RGS5: variants seen among roughly 807,000 people sequenced by gnomAD.
RGS5 encodes the protein regulator of G protein signaling 5.
RGS5 carries 20 observed loss-of-function variants against 18.9 expected under a neutral mutation model. The ratio of observed to expected loss-of-function variants is 1.06; its 90% CI spans 0.74 to 1.54. The LOEUF (loss-of-function observed/expected upper bound fraction) is 1.54. RGS5 is among the 40% of genes most tolerant of loss of function. The pLI, the probability that RGS5 is intolerant of heterozygous loss-of-function variation, is 0.00. For synonymous variants in RGS5, 57 were observed against 76.2 expected, an observed-to-expected ratio of 0.75 and a Z score of 1.31; for missense variants, 201 against 211.8, an observed-to-expected ratio of 0.95 and a Z score of 0.32.
intron 2 of RGS5, among the ~76,000 whole-genome samples, chr1:163,288,413 T>C (rs368572690): frequency 6.6e-6 from 1 of 152,310 alleles, no homozygotes; most frequent in African/African-American, 2.4e-5. Flanking sequence ...GTGCAGCACA[T>C]GGTTCTGCAA....
chr1:163,186,867 A>G (rs1447284579), intron 1 of RGS5, among the ~76,000 whole-genome samples: 3 of 152,176 alleles, frequency 2.0e-5, no homozygotes, highest in African/African-American at 4.8e-5. Context: ...GAAAGGGGAA[A>G]AAAATCACAC....
At chr1:163,178,992 C>T (rs955050311) in intron 1 of RGS5, among the ~76,000 whole-genome samples, 1 of 152,124 alleles carries the variant, frequency 6.6e-6, no homozygotes, top group East Asian at 1.9e-4. Context: ...AAATCTTCCC[C>T]ACATTTGAGA....
rs3105841 is a variant in RGS5, at chr1:163,208,419, G to C, written c.69+9107C>G. ...AAGTTAGCCAGGCATGCAGTAGGCT[G>C]AGGCAGGAGGATTACTTGAGCCCAG... On this transcript the variant is annotated intron_variant, in intron 1 of 5. Coordinates refer to the RGS5 transcript ENST00000367903. Among the ~76,000 whole-genome samples, 8 of 141,026 alleles carry C rather than the reference G, an allele frequency of 5.7e-5. No individual in the cohort carries two copies. In the East Asian group the frequency reaches 1.7e-3, roughly 30 times the overall value. The allele number at this position is 141,026 out of a possible 152,430, so 92.5% of individuals were successfully genotyped here.
In RGS5 at chr1:163,259,327, TTTTTATCTTTTTTTTTTC is replaced by T. The variant is rs1282284432; in HGVS notation, c.-281+46888_-281+46905del. ...CCACCATGCCCGGCTAATTTTTTTT[TTTTTATCTTTTTTTTTTC>T]AGTAGAGACGGGGTTTCACCGTGTT... On this transcript the variant is annotated intron_variant, in intron 2 of 5. Coordinates refer to the RGS5 transcript ENST00000618415. Among the ~76,000 whole-genome samples, 330 of 151,816 alleles carry T rather than the reference TTTTTATCTTTTTTTTTTC, an allele frequency of 2.2e-3. 2 individuals are homozygous for T. Among genetic ancestry groups the T allele is most frequent in the African/African-American group, 7.8e-3 (324 of 41,362 alleles).
At chr1:163,189,461 C>T (rs997650102) in intron 1 of RGS5, among the ~76,000 whole-genome samples, 5 of 152,062 alleles carry the variant, frequency 3.3e-5, no homozygotes, top group East Asian at 1.9e-4. Context: ...CATGCAAGCA[C>T]GATAAAATTT....
intron 1 of RGS5, among the ~76,000 whole-genome samples, chr1:163,215,821 G>A (rs1025864102): frequency 1.2e-4 from 19 of 152,034 alleles, no homozygotes; most frequent in East Asian, 1.9e-4. Flanking sequence ...TCCCAGCACC[G>A]TGGAAGGTCA....
intron 1 of RGS5, among the ~76,000 whole-genome samples, chr1:163,312,858 T>A (rs1649907490): frequency 6.6e-6 from 1 of 152,220 alleles, no homozygotes; most frequent in South Asian, 2.1e-4. Flanking sequence ...TGAATTCTGG[T>A]TGATGGCATG....
chr1:163,240,253 T>C (rs997683803), intron 2 of RGS5, among the ~76,000 whole-genome samples: 4 of 151,968 alleles, frequency 2.6e-5, no homozygotes, highest in African/African-American at 9.7e-5. Context: ...GGAATGGTCA[T>C]ACATTGGAAT....
At chr1:163,253,688 T>C (rs1201116559) in intron 2 of RGS5, among the ~76,000 whole-genome samples, 1 of 151,760 alleles carries the variant, frequency 6.6e-6, no homozygotes, top group Admixed American at 6.6e-5. Context: ...TTAGGGTACA[T>C]GTGCACAATG....
At chr1:163,156,568 G>A (rs1657589199) in intron 3 of RGS5, among the ~76,000 whole-genome samples, 1 of 152,012 alleles carries the variant, frequency 6.6e-6, no homozygotes, top group Admixed American at 6.6e-5. Flanking sequence ...TTAATTCTTT[G>A]AGTATGTTTC....
At chr1:163,173,848 G>C (rs532358052) in intron 1 of RGS5, among the ~76,000 whole-genome samples, 1 of 152,270 alleles carries the variant, frequency 6.6e-6, no homozygotes, top group Non-Finnish European at 1.5e-5. Flanking sequence ...GGCCGAGGTG[G>C]GTGGATCATG....
chr1:163,151,778 G>A (rs1217618796), intron 4 of RGS5, among the ~76,000 whole-genome samples: 2 of 152,128 alleles, frequency 1.3e-5, no homozygotes, highest in African/African-American at 2.4e-5. Flanking sequence ...CAAGTCTTTG[G>A]TATTTCTTCA....
At chr1:163,182,491 C>T (rs570037145) in intron 1 of RGS5, among the ~76,000 whole-genome samples, 1 of 152,292 alleles carries the variant, frequency 6.6e-6, no homozygotes, top group South Asian at 2.1e-4. Flanking sequence ...ATTTCCCATG[C>T]TTTTCTGGGC....
At chr1:163,171,633 T>A in intron 1 of RGS5, among the ~76,000 whole-genome samples, 1 of 152,196 alleles carries the variant, frequency 6.6e-6, no homozygotes, top group East Asian at 1.9e-4. Flanking sequence ...GGCAGAAAAA[T>A]ATTTGTGTTT....
intron 2 of RGS5, chr1:163,237,093 T>C (rs867487832): frequency 5.3e-5 from 8 of 152,272 alleles, no homozygotes; most frequent in South Asian, 2.1e-4. Context: ...TTAAAACAAC[T>C]GATGACACTA....
At chr1:163,158,792 C>T (rs1657686281) in intron 3 of RGS5, among the ~76,000 whole-genome samples, 1 of 152,114 alleles carries the variant, frequency 6.6e-6, no homozygotes, top group Admixed American at 6.6e-5. Context: ...AACATCTTAT[C>T]AGGAGACAGG....
At chr1:163,220,323 C>CAT (rs78684968), upstream of RGS5, among the ~76,000 whole-genome samples, 82,744 of 151,652 alleles carry the variant, frequency 0.55, 22,732 homozygotes, top group Non-Finnish European at 0.6. Flanking sequence ...AAAATAATCA[C>CAT]GTTTTTCTCT....
At chr1:163,210,266 T>C (rs1404986886) in intron 1 of RGS5, among the ~76,000 whole-genome samples, 1 of 152,216 alleles carries the variant, frequency 6.6e-6, no homozygotes, top group Non-Finnish European at 1.5e-5. Context: ...CCCAAAATGC[T>C]GGGCTTACAG....
rs951278035 is a variant in RGS5, at chr1:163,142,703, G to T, written c.*4639C>A. The stretch of plus-strand genomic sequence containing the variant: ...CTTAGCCTGTGCATTTTTCTAGAAA[G>T]GAAGTTAAATGCTTTTAATGTATTA... On this transcript the variant is annotated 3_prime_UTR_variant, in exon 5 of 5. Transcript: ENST00000313961. The T allele has an allele frequency of 2.1e-4, 32 of 152,074 alleles. No individual in the cohort carries two copies. Among genetic ancestry groups the T allele is most frequent in the Middle Eastern group, 3.2e-3 (1 of 316 alleles). 9.4% of individuals were successfully genotyped at this position (152,074 alleles called of 1,614,324 possible).
Sources: gnomAD v4.1 joint callset for allele counts (sites outside exome capture counted in the v4.1 genomes callset) on GRCh38, gnomAD v4.1.1 for gene constraint, MANE v1.5 for transcripts, NCBI Gene and HGNC (gene_info 2026-07-23, HGNC 2026-07-21) for gene names.